SLC24A2: variants seen among roughly 807,000 people sequenced by gnomAD.
SLC24A2 encodes sodium/potassium/calcium exchanger 2.
Under a neutral mutation model 62.0 loss-of-function variants are expected in SLC24A2, and 36 were observed. The ratio of observed to expected loss-of-function variants is 0.58; its 90% CI spans 0.44 to 0.77. The LOEUF (loss-of-function observed/expected upper bound fraction) is 0.77, where lower values mean the gene tolerates loss of function less well. Among genes scored for constraint, SLC24A2 ranks in the 30% least tolerant of loss-of-function variants. The pLI is 0.00. For missense variants in SLC24A2, 846 were observed against 817.9 expected, an observed-to-expected ratio of 1.03 and a Z score of -0.42; for synonymous variants, 358 against 294.0, an observed-to-expected ratio of 1.22 and a Z score of -2.23.
At chr9:19,689,714 C>T (rs979126915) in intron 2 of SLC24A2, among the ~76,000 whole-genome samples, 4 of 152,112 alleles carry the variant, frequency 2.6e-5, no homozygotes, top group African/African-American at 4.8e-5. Flanking sequence ...CAGCACCTAC[C>T]TCTCCTCTTT....
At chr9:20,232,636 A>G in the SLC24A2 span, among the ~76,000 whole-genome samples, 273 of 151,542 alleles carry the variant, frequency 1.8e-3, 1 homozygote, top group African/African-American at 5.8e-3. Flanking sequence ...TTTCTTCTTT[A>G]TTAGTCTTGC....
At chr9:20,012,964 A>G in the SLC24A2 span, among the ~76,000 whole-genome samples, 9 of 152,170 alleles carry the variant, frequency 5.9e-5, no homozygotes, top group Non-Finnish European at 1.2e-4. Context: ...ATTATTGTGA[A>G]TATGTTCATA....
At chr9:20,273,709 C>T in the SLC24A2 span, among the ~76,000 whole-genome samples, 1 of 152,148 alleles carries the variant, frequency 6.6e-6, no homozygotes, top group South Asian at 2.1e-4. Flanking sequence ...TTGTAAATTG[C>T]CCAGTCTCAG....
At chr9:19,796,705 C>A in the SLC24A2 span, among the ~76,000 whole-genome samples, 1 of 152,208 alleles carries the variant, frequency 6.6e-6, no homozygotes. Context: ...CTGTATTTGA[C>A]ATTTCATTAT....
At chr9:20,105,468 T>G in the SLC24A2 span, among the ~76,000 whole-genome samples, 3 of 151,656 alleles carry the variant, frequency 2.0e-5, no homozygotes, top group Non-Finnish European at 4.4e-5. Context: ...CCTCAGCAAA[T>G]GTAAAAGAAC....
the SLC24A2 span, among the ~76,000 whole-genome samples, chr9:20,307,607 A>G: frequency 1.3e-5 from 2 of 152,190 alleles, no homozygotes; most frequent in Non-Finnish European, 2.9e-5. Context: ...GAGTTAGACA[A>G]CTATACTTGG....
At chr9:19,773,606 A>T (rs990758102) in intron 2 of SLC24A2, among the ~76,000 whole-genome samples, 6 of 152,204 alleles carry the variant, frequency 3.9e-5, no homozygotes, top group African/African-American at 1.4e-4. Context: ...CATCATCACC[A>T]CTATCAACTT....
chr9:19,720,651 T>C (rs1346077248), intron 2 of SLC24A2, among the ~76,000 whole-genome samples: 1 of 151,218 alleles, frequency 6.6e-6, no homozygotes, highest in Non-Finnish European at 1.5e-5. Context: ...GGAAATACTT[T>C]ACACTGAACA....
the SLC24A2 span, among the ~76,000 whole-genome samples, chr9:20,147,361 C>G: frequency 3.9e-5 from 6 of 152,074 alleles, no homozygotes; most frequent in African/African-American, 1.4e-4. Context: ...GAAGGAAAAC[C>G]ATGTGGTAAT....
chr9:20,275,034 A>G, the SLC24A2 span, among the ~76,000 whole-genome samples: 1 of 152,092 alleles, frequency 6.6e-6, no homozygotes, highest in African/African-American at 2.4e-5. Context: ...AAGGCAATAT[A>G]CCTGAGGCCT....
intron 5 of SLC24A2, among the ~76,000 whole-genome samples, chr9:19,583,022 C>G (rs1325552459): frequency 3.3e-5 from 5 of 152,114 alleles, no homozygotes; most frequent in Non-Finnish European, 7.3e-5. Flanking sequence ...ATCCCAGCAT[C>G]TTTAGTGATC....
chr9:19,929,198 A>C, the SLC24A2 span: 2 of 152,242 alleles, frequency 1.3e-5, no homozygotes, highest in Non-Finnish European at 2.9e-5. Flanking sequence ...GGTTAACTCC[A>C]AATTCCTCAG....
At chr9:20,216,460 G>C in the SLC24A2 span, among the ~76,000 whole-genome samples, 1 of 152,132 alleles carries the variant, frequency 6.6e-6, no homozygotes, top group Middle Eastern at 3.2e-3. Context: ...GACCCCATTA[G>C]GTAATAAAGC....
chr9:19,539,518 A>C (rs1834150429), intron 8 of SLC24A2, among the ~76,000 whole-genome samples: 1 of 142,490 alleles, frequency 7.0e-6, no homozygotes, highest in African/African-American at 2.6e-5. Context: ...AGCGGCTTTG[A>C]GTGAGATTCT....
chr9:19,546,747 C>A (rs59696453), intron 8 of SLC24A2, among the ~76,000 whole-genome samples: 4,386 of 136,532 alleles, frequency 0.032, 206 homozygotes, highest in African/African-American at 0.15. Flanking sequence ...AAAAAAAAAA[C>A]AACACAAAAC....
chr9:19,649,889 T>G (rs981285109), intron 2 of SLC24A2, among the ~76,000 whole-genome samples: 8 of 152,226 alleles, frequency 5.3e-5, no homozygotes, highest in African/African-American at 1.4e-4. Flanking sequence ...CAGTATGAAT[T>G]TGTAGTAATC....
At chr9:20,062,710 C>A in the SLC24A2 span, among the ~76,000 whole-genome samples, 9 of 119,844 alleles carry the variant, frequency 7.5e-5, no homozygotes, top group Non-Finnish European at 1.2e-4. Context: ...AGGCAACCTA[C>A]AAAATGGGAG....
the SLC24A2 span, among the ~76,000 whole-genome samples, chr9:20,245,547 G>C: frequency 6.6e-6 from 1 of 152,194 alleles, no homozygotes; most frequent in South Asian, 2.1e-4. Flanking sequence ...CAAAGGCTTA[G>C]ATTGCTGTAC....
the SLC24A2 span, among the ~76,000 whole-genome samples, chr9:19,998,986 G>A: frequency 1.3e-5 from 2 of 152,356 alleles, no homozygotes; most frequent in African/African-American, 2.4e-5. Flanking sequence ...CTCTTTGTGT[G>A]TGGTGATATA....
Sources: gnomAD v4.1 joint callset for allele counts (sites outside exome capture counted in the v4.1 genomes callset) on GRCh38, gnomAD v4.1.1 for gene constraint, MANE v1.5 for transcripts, NCBI Gene and HGNC (gene_info 2026-07-23, HGNC 2026-07-21) for gene names.